Variants in STX3 observed in about 807,000 individuals in gnomAD.
STX3 encodes the protein syntaxin 3, also known as syntaxin-3.
STX3 carries 19 observed loss-of-function variants against 40.2 expected under a neutral mutation model. The observed-to-expected ratio is 0.47, with a 90% confidence interval of 0.33 to 0.69. STX3 has a LOEUF of 0.69. STX3 is among the 30% of genes least tolerant of loss of function. STX3 has a pLI of 0.02. For synonymous variants in STX3, 122 were observed against 132.2 expected, an observed-to-expected ratio of 0.92 and a Z score of 0.53; for missense variants, 364 against 366.7, an observed-to-expected ratio of 0.99 and a Z score of 0.06.
In STX3 at chr11:59,793,076, GCTC is replaced by G; in HGVS notation, c.467-22_467-20del. 1 of 1,611,034 alleles carries G rather than the reference GCTC, an allele frequency of 6.2e-7. No individual in the cohort carries two copies. Among genetic ancestry groups the G allele is most frequent in the Non-Finnish European group, 8.5e-7 (1 of 1,178,862 alleles). On this transcript the variant is annotated intron_variant, in intron 6 of 10. Transcript: ENST00000337979. ...GTTTCACCGTGATCTTATATTTGACGCTCTACTTCTTTTGTTACAAAGCTGGCA... is the reference window on the plus strand; with the variant it reads ...GTTTCACCGTGATCTTATATTTGACGTACTTCTTTTGTTACAAAGCTGGCA...
Position 59,788,873 on chromosome 11 carries a change from A to G in STX3, c.215A>G (p.Lys72Arg). The change falls in exon 4 of 11, where the codon AAA (lysine) becomes AGA (arginine). Residue 72 changes from lysine (K) to arginine (R), a missense_variant and splice_region_variant. Coordinates refer to ENST00000337979, the MANE Select transcript of STX3 (RefSeq NM_004177.5). ...ATTCTGCCTGCCTTTATTTACCCAG[A>G]AACCAAGGATGACCTAGAGCAGCTC... ...IILSAPIPEP[K>R]TKDDLEQLTT... The G allele has an allele frequency of 6.2e-7, 1 of 1,611,934 alleles. No homozygotes were observed. The highest frequency in any genetic ancestry group is 1.1e-5 in the South Asian group (1 of 90,676).
At chr11:59,757,639 T>C (rs1862792369) in intron 1 of STX3, among the ~76,000 whole-genome samples, 1 of 152,150 alleles carries the variant, frequency 6.6e-6, no homozygotes, top group Non-Finnish European at 1.5e-5. Context: ...AGGATTGTTC[T>C]GAAATCACAG....
Position 59,801,554 on chromosome 11 carries a change from AT to A in STX3, c.*731del. On this transcript the variant is annotated 3_prime_UTR_variant, in exon 11 of 11. Coordinates refer to ENST00000337979, the MANE Select transcript of STX3 (RefSeq NM_004177.5). ...TTGCAAAAGGCTGACGGTATGGAAT[AT>A]GTTTCCATGTCTGAGTCTTAGAAAC... 1.0e-6 allele frequency: 1 copy of A among 985,428 alleles called. No individual in the cohort carries two copies. Among genetic ancestry groups the A allele is most frequent in the Non-Finnish European group, 1.2e-6 (1 of 829,936 alleles). The allele number at this position is 985,428 out of a possible 1,614,324, so 61.0% of individuals were successfully genotyped here.
chr11:59,782,116 A>G lies in STX3; in HGVS notation c.115-4921A>G, dbSNP rs541209814. Among the ~76,000 whole-genome samples the G allele has an allele frequency of 1.1e-4, 16 of 152,272 alleles. No individual in the cohort carries two copies. In the South Asian group the frequency reaches 3.3e-3, roughly 32 times the overall value. On this transcript the variant is annotated intron_variant, in intron 2 of 10. Coordinates refer to ENST00000337979, the MANE Select transcript of STX3 (RefSeq NM_004177.5). ...TACTTTCTCTGCTTTTCCTTGTTTAATTAGATTCCACTGGCTAATTAGGTC... is the reference window on the plus strand; with the variant it reads ...TACTTTCTCTGCTTTTCCTTGTTTAGTTAGATTCCACTGGCTAATTAGGTC...
chr11:59,802,427 C>T lies in STX3; in HGVS notation c.*1603C>T, dbSNP rs890079219. The T allele has an allele frequency of 1.0e-5, 10 of 985,684 alleles. No individual in the cohort carries two copies. The highest frequency in any genetic ancestry group is 1.1e-5 in the Non-Finnish European group (9 of 829,938). 61.1% of individuals were successfully genotyped at this position (985,684 alleles called of 1,614,324 possible). On this transcript the variant is annotated 3_prime_UTR_variant, in exon 11 of 11. Coordinates refer to ENST00000337979, the MANE Select transcript of STX3 (RefSeq NM_004177.5). ...AATTCAGGCACTGTCCATTAGCTTC[C>T]TTTGCAAAGGCTACTTATGGCCGGT...
chr11:59,770,562 T>G (rs1863552549), intron 1 of STX3, among the ~76,000 whole-genome samples: 1 of 152,066 alleles, frequency 6.6e-6, no homozygotes, highest in African/African-American at 2.4e-5. Context: ...GCTGGAACTC[T>G]CTAGAGGTTG....
rs1317717038 is a variant in STX3 at position 59,802,875 on chromosome 11, A to G, written c.*2051A>G. On this transcript the variant is annotated 3_prime_UTR_variant, in exon 11 of 11. Transcript: ENST00000337979. ...GTTTAACTCCCACAGAATGCAGTGT[A>G]ACTATGTTTGTGTTTCAGATTTGAG... The G allele has an allele frequency of 1.0e-6, 1 of 985,298 alleles. No homozygotes were observed. The highest frequency in any genetic ancestry group is 1.2e-6 in the Non-Finnish European group (1 of 829,928). The allele number at this position is 985,298 out of a possible 1,614,324, so 61.0% of individuals were successfully genotyped here. A position where few individuals can be genotyped will look rare whatever the true frequency, so the allele number is the denominator to read the frequency against.
At position 59,803,357 on chromosome 11, in the gene STX3, C is replaced by A; in HGVS notation, c.*2533C>A. 9.0e-7 allele frequency: 1 copy of A among 1,114,748 alleles called. No individual in the cohort carries two copies. The highest frequency in any genetic ancestry group is 4.6e-5 in the South Asian group (1 of 21,812). The allele number at this position is 1,114,748 out of a possible 1,614,324, so 69.1% of individuals were successfully genotyped here. ...TTTCACTGACTTGAAACCTTTGTGT[C>A]TTGGGGGCACTCTAGGTGCCTTAAT... is the stretch of plus-strand genomic sequence containing the variant. On this transcript the variant is annotated 3_prime_UTR_variant, in exon 11 of 11. Coordinates refer to ENST00000337979, the MANE Select transcript of STX3 (RefSeq NM_004177.5).
At chr11:59,767,766 A>G (rs1379796806) in intron 1 of STX3, among the ~76,000 whole-genome samples, 1 of 152,220 alleles carries the variant, frequency 6.6e-6, no homozygotes, top group Non-Finnish European at 1.5e-5. Context: ...TTTCTGTGTC[A>G]GTAACTCATT....
At chr11:59,770,732 C>A (rs191664114) in intron 1 of STX3, among the ~76,000 whole-genome samples, 3 of 151,960 alleles carry the variant, frequency 2.0e-5, no homozygotes, top group Admixed American at 2.0e-4. Context: ...ACAGGGTGAG[C>A]GCTCAGGAAA....
chr11:59,776,065 C>T (rs1406511966), intron 2 of STX3, among the ~76,000 whole-genome samples: 1 of 152,138 alleles, frequency 6.6e-6, no homozygotes, highest in African/African-American at 2.4e-5. Context: ...AGCTAATGCT[C>T]AGAAAGTACT....
intron 2 of STX3, among the ~76,000 whole-genome samples, chr11:59,783,908 A>T (rs775403189): frequency 3.3e-5 from 5 of 152,214 alleles, no homozygotes; most frequent in Non-Finnish European, 7.3e-5. Context: ...GCCTCCAAAT[A>T]GAAAGGTTGA....
rs1865964308 is a variant in STX3, at chr11:59,803,234, T to C, written c.*2410T>C. 8.1e-7 allele frequency: 1 copy of C among 1,231,718 alleles called. No homozygotes were observed. The highest frequency in any genetic ancestry group is 1.0e-6 in the Non-Finnish European group (1 of 987,956). 76.3% of individuals were successfully genotyped at this position (1,231,718 alleles called of 1,614,324 possible). On this transcript the variant is annotated 3_prime_UTR_variant, in exon 11 of 11. Transcript: ENST00000337979. ...GATGAGCAGAAGAAGATCATGATCA[T>C]GATCTGCTGTATTATCCTTGCGATC...
At chr11:59,756,948 A>C (rs1006623234) in intron 1 of STX3, among the ~76,000 whole-genome samples, 3 of 152,174 alleles carry the variant, frequency 2.0e-5, no homozygotes, top group Non-Finnish European at 4.4e-5. Flanking sequence ...TGAGACCTTC[A>C]TTCCTGTTTC....
chr11:59,801,499 C>G lies in STX3; in HGVS notation c.*675C>G, dbSNP rs1418281292. 5 of 985,446 alleles carry G rather than the reference C, an allele frequency of 5.1e-6. No individual in the cohort carries two copies. The highest frequency in any genetic ancestry group is 6.0e-6 in the Non-Finnish European group (5 of 830,024). 61.0% of individuals were successfully genotyped at this position (985,446 alleles called of 1,614,324 possible). On this transcript the variant is annotated 3_prime_UTR_variant, in exon 11 of 11. Coordinates refer to ENST00000337979, the MANE Select transcript of STX3 (RefSeq NM_004177.5). The stretch of plus-strand genomic sequence containing the variant: ...CTCTCATATTTACTCAAGGAGGGAC[C>G]AGGATGATACAGTCATCTGAGGTTA...
intron 2 of STX3, among the ~76,000 whole-genome samples, chr11:59,776,524 C>T (rs566656497): frequency 6.6e-6 from 1 of 152,300 alleles, no homozygotes; most frequent in East Asian, 1.9e-4. Context: ...TTGTCCCCCT[C>T]TATGTGACTG....
chr11:59,788,384 G>A (rs1207578372), intron 3 of STX3, among the ~76,000 whole-genome samples: 1 of 152,216 alleles, frequency 6.6e-6, no homozygotes, highest in African/African-American at 2.4e-5. Context: ...GCTGAAGGAT[G>A]GCTTTTGAAT....
At chr11:59,781,621 T>C (rs1483865767) in intron 2 of STX3, 7 of 1,613,716 alleles carry the variant, frequency 4.3e-6, no homozygotes, top group Non-Finnish European at 3.4e-6. Flanking sequence ...GCGCCCATTT[T>C]TCGCAAAGCT....
intron 1 of STX3, among the ~76,000 whole-genome samples, chr11:59,758,841 A>G (rs903130688): frequency 1.3e-5 from 2 of 152,228 alleles, no homozygotes; most frequent in African/African-American, 4.8e-5. Flanking sequence ...CTGAGTACTG[A>G]GTACCCACTG....
Sources: gnomAD v4.1 joint callset for allele counts (sites outside exome capture counted in the v4.1 genomes callset) on GRCh38, gnomAD v4.1.1 for gene constraint, MANE v1.5 for transcripts, NCBI Gene and HGNC (gene_info 2026-07-23, HGNC 2026-07-21) for gene names.